ST6GALNAC5: variants seen among roughly 807,000 people sequenced by gnomAD.
The protein encoded by ST6GALNAC5 is alpha-N-acetylgalactosaminide alpha-2,6-sialyltransferase 5.
Under a neutral mutation model 33.6 loss-of-function variants are expected in ST6GALNAC5, and 27 were observed. That is an observed-to-expected ratio of 0.80 (90% CI 0.59 to 1.11). The LOEUF (loss-of-function observed/expected upper bound fraction) is 1.11. Ranked by LOEUF, ST6GALNAC5 falls within the 50% of genes least tolerant of loss-of-function variation. ST6GALNAC5 has a pLI of 0.00. For synonymous variants in ST6GALNAC5, 194 were observed against 171.2 expected (o/e 1.13, Z -1.04); for missense variants, 428 against 454.0 (o/e 0.94, Z 0.52).
chr1:76,905,092 A>G (rs1488264694), intron 2 of ST6GALNAC5, among the ~76,000 whole-genome samples: 1 of 152,124 alleles, frequency 6.6e-6, no homozygotes, highest in Non-Finnish European at 1.5e-5. Context: ...ACCATTCTCT[A>G]TGTAAGTTAG....
Position 77,063,400 on chromosome 1 carries a change from AT to A in ST6GALNAC5, c.*195del. The A allele has an allele frequency of 1.7e-6, 1 of 588,316 alleles. No individual in the cohort carries two copies. The allele number at this position is 588,316 out of a possible 1,614,324, so 36.4% of individuals were successfully genotyped here. A position where few individuals can be genotyped will look rare whatever the true frequency, so the allele number is the denominator to read the frequency against. ...TAAGGAAAAATTCCGGAATTAATGC[AT>A]CCTAATGAATGTTGTCCCCTTCAAT... On this transcript the variant is annotated 3_prime_UTR_variant, in exon 5 of 5. Coordinates refer to ENST00000477717, the MANE Select transcript of ST6GALNAC5 (RefSeq NM_030965.3).
At chr1:77,023,613 G>T (rs531383352) in intron 2 of ST6GALNAC5, among the ~76,000 whole-genome samples, 1 of 152,166 alleles carries the variant, frequency 6.6e-6, no homozygotes, top group Non-Finnish European at 1.5e-5. Context: ...GTGAAATCTC[G>T]GACAGCTCAG....
At chr1:76,916,276 G>A (rs768487056) in intron 2 of ST6GALNAC5, among the ~76,000 whole-genome samples, 11 of 152,012 alleles carry the variant, frequency 7.2e-5, no homozygotes, top group Non-Finnish European at 1.5e-4. Context: ...CAGCTGCTTC[G>A]CCTTTGTCTC....
intron 2 of ST6GALNAC5, among the ~76,000 whole-genome samples, chr1:76,897,284 A>C (rs1222428720): frequency 6.6e-6 from 1 of 152,130 alleles, no homozygotes; most frequent in East Asian, 1.9e-4. Context: ...TGGATTGTGG[A>C]GGGAGGTATT....
At chr1:76,923,349 T>C (rs1299598740) in intron 2 of ST6GALNAC5, among the ~76,000 whole-genome samples, 1 of 151,772 alleles carries the variant, frequency 6.6e-6, no homozygotes, top group East Asian at 1.9e-4. Flanking sequence ...TGGACGGGGT[T>C]TGGAACAGTC....
intron 2 of ST6GALNAC5, among the ~76,000 whole-genome samples, chr1:76,955,848 T>G (rs987785968): frequency 6.6e-6 from 1 of 152,210 alleles, no homozygotes; most frequent in Admixed American, 6.5e-5. Flanking sequence ...ATTGGCTGCC[T>G]GGGCAGGGAA....
At chr1:76,958,190 C>G (rs1325901375) in intron 2 of ST6GALNAC5, among the ~76,000 whole-genome samples, 1 of 152,206 alleles carries the variant, frequency 6.6e-6, no homozygotes, top group African/African-American at 2.4e-5. Flanking sequence ...AACCGCTTCT[C>G]TGCACAGTCA....
intron 2 of ST6GALNAC5, among the ~76,000 whole-genome samples, chr1:76,888,003 G>A (rs941121852): frequency 3.3e-5 from 5 of 152,028 alleles, no homozygotes; most frequent in Non-Finnish European, 7.4e-5. Flanking sequence ...AATCTTTACG[G>A]CATTTGAACA....
Position 76,868,223 on chromosome 1 carries a change from C to T in ST6GALNAC5, c.16-274C>T, listed in dbSNP as rs1211702207. Among the ~76,000 whole-genome samples, 2 of 152,078 alleles carry T rather than the reference C, an allele frequency of 1.3e-5. No homozygotes were observed. Among genetic ancestry groups the T allele is most frequent in the African/African-American group, 2.4e-5 (1 of 41,438 alleles). ...CCCACCCCTGTCCTCGGCCCCGGCG[C>T]GCTCCCTCCCTCAGCCCGGGGCCGT... On this transcript the variant is annotated intron_variant, in intron 1 of 4. Coordinates refer to ENST00000477717, the MANE Select transcript of ST6GALNAC5 (RefSeq NM_030965.3). This position sits in a 1 kb window ranked among gnomAD's most constrained non-coding sequence, Gnocchi z 4.3.
intron 2 of ST6GALNAC5, among the ~76,000 whole-genome samples, chr1:77,011,214 T>A (rs1160292463): frequency 1.3e-5 from 2 of 152,224 alleles, no homozygotes; most frequent in East Asian, 3.9e-4. Flanking sequence ...CTTTTGGCCG[T>A]GAGAAACACT....
intron 2 of ST6GALNAC5, among the ~76,000 whole-genome samples, chr1:76,882,930 C>A (rs1048033887): frequency 6.6e-6 from 1 of 152,160 alleles, no homozygotes; most frequent in African/African-American, 2.4e-5. Flanking sequence ...TACCGCTGCC[C>A]TCAGCCTAGG....
At chr1:77,033,325 G>T (rs1393834849) in intron 2 of ST6GALNAC5, among the ~76,000 whole-genome samples, 1 of 152,164 alleles carries the variant, frequency 6.6e-6, no homozygotes, top group Non-Finnish European at 1.5e-5. Context: ...GTGCAGAATC[G>T]CTGCCTCATG....
intron 2 of ST6GALNAC5, among the ~76,000 whole-genome samples, chr1:77,025,844 G>GC (rs1468808861): frequency 6.6e-6 from 1 of 152,064 alleles, no homozygotes; most frequent in African/African-American, 2.4e-5. Context: ...CAGCTGCCAG[G>GC]CCCCAGAGAC....
intron 2 of ST6GALNAC5, among the ~76,000 whole-genome samples, chr1:76,951,952 C>A (rs1240414461): frequency 6.6e-6 from 1 of 152,066 alleles, no homozygotes; most frequent in Non-Finnish European, 1.5e-5. Context: ...TGTGTTGGAA[C>A]CTCATTTGCT....
At chr1:76,948,156 A>G (rs1023336485) in intron 2 of ST6GALNAC5, among the ~76,000 whole-genome samples, 1 of 152,156 alleles carries the variant, frequency 6.6e-6, no homozygotes, top group Non-Finnish European at 1.5e-5. Context: ...AAAAGTTTCC[A>G]TGAGGCGTGT....
chr1:77,026,456 A>G lies in ST6GALNAC5; in HGVS notation c.262-17748A>G, dbSNP rs1206275996. Among the ~76,000 whole-genome samples the G allele has an allele frequency of 2.0e-5, 3 of 152,166 alleles. No homozygotes were observed. In the East Asian group the frequency reaches 5.8e-4, roughly 29 times the overall value. ...TGTGGAGCTGGGACTGATTCATCTC[A>G]GGGGCGTAATTCCAGCTTTGGCACT... On this transcript the variant is annotated intron_variant, in intron 2 of 4. Coordinates refer to ENST00000477717, the MANE Select transcript of ST6GALNAC5 (RefSeq NM_030965.3).
At chr1:77,013,239 AATATG>A (rs71826123) in intron 2 of ST6GALNAC5, among the ~76,000 whole-genome samples, 33,060 of 151,842 alleles carry the variant, frequency 0.22, 4,007 homozygotes, top group African/African-American at 0.31. Flanking sequence ...TCTAGGTCTC[AATATG>A]AAGTCAGACT....
chr1:76,973,593 A>C (rs971355272), intron 2 of ST6GALNAC5, among the ~76,000 whole-genome samples: 7 of 152,180 alleles, frequency 4.6e-5, no homozygotes, highest in African/African-American at 1.7e-4. Flanking sequence ...ACTGTGACCC[A>C]GTCAAATTGA....
intron 2 of ST6GALNAC5, among the ~76,000 whole-genome samples, chr1:76,938,946 A>C (rs1055617696): frequency 6.6e-6 from 1 of 152,108 alleles, no homozygotes; most frequent in Admixed American, 6.6e-5. Flanking sequence ...TCCACAGCTA[A>C]TGTTCTCAAT....
Sources: allele counts gnomAD v4.1 joint callset (sites outside exome capture counted in the v4.1 genomes callset), GRCh38; gene constraint gnomAD v4.1.1; non-coding constraint Gnocchi (gnomAD v3.1); transcripts MANE v1.5; gene names NCBI Gene and HGNC (gene_info 2026-07-23, HGNC 2026-07-21).